QRICH1: variants seen among roughly 807,000 people sequenced by gnomAD.
The protein encoded by QRICH1 is glutamine rich 1.
QRICH1 carries 16 observed loss-of-function variants against 87.1 expected under a neutral mutation model. The observed-to-expected ratio is 0.18, with a 90% confidence interval of 0.12 to 0.28. QRICH1 has a LOEUF of 0.28. Among genes scored for constraint, QRICH1 ranks in the 10% least tolerant of loss-of-function variants. The probability of loss-of-function intolerance (pLI) is 1.00; values close to 1 mark genes in which losing one functional copy is unlikely to be tolerated. For missense variants in QRICH1, 647 were observed against 951.7 expected (o/e 0.68, Z 4.21); for synonymous variants, 367 against 368.4 (o/e 1.00, Z 0.05).
chr3:49,047,893 C>G (rs116137189), intron 3 of QRICH1, among the ~76,000 whole-genome samples: 2,330 of 152,100 alleles, frequency 0.015, 53 homozygotes, highest in African/African-American at 0.052. Flanking sequence ...CACCACTGCA[C>G]TCCAGCCTGG....
intron 2 of QRICH1, among the ~76,000 whole-genome samples, chr3:49,072,312 A>G (rs2041850572): frequency 6.6e-6 from 1 of 152,028 alleles, no homozygotes; most frequent in Admixed American, 6.6e-5. Context: ...ATAAAGATAA[A>G]AAATGAGTAA....
At chr3:49,065,120 T>C (rs1398156722) in intron 2 of QRICH1, among the ~76,000 whole-genome samples, 6 of 152,064 alleles carry the variant, frequency 3.9e-5, no homozygotes, top group Admixed American at 3.3e-4. Flanking sequence ...TTGCATTGTT[T>C]TACATTTTTG....
intron 1 of QRICH1, among the ~76,000 whole-genome samples, chr3:49,082,894 C>CAAAA (rs76269302): frequency 1.3e-5 from 1 of 77,326 alleles, no homozygotes; most frequent in African/African-American, 4.9e-5. Context: ...GACTGCGTCT[C>CAAAA]AAAAAAAAAA....
At chr3:49,084,030 A>G (rs1340794545) in intron 1 of QRICH1, among the ~76,000 whole-genome samples, 1 of 151,896 alleles carries the variant, frequency 6.6e-6, no homozygotes, top group Non-Finnish European at 1.5e-5. Flanking sequence ...TTGAACTCCT[A>G]AACTCATGAT....
Position 49,033,221 on chromosome 3 carries a change from G to A in QRICH1, c.1794C>T (p.Val598=). The change falls in exon 7 of 10, where the codon GTC becomes GTT. Residue 598 remains valine (V), a synonymous_variant. Transcript: ENST00000395443. ...TCTCCTCAGTCACGTGGCTGGGCAA[G>A]ACATAGCCTAGGAGGAATAGAGTAC... ...VQPRVTPLGY[V]LPSHVTEEML... The A allele has an allele frequency of 6.4e-7, 1 of 1,560,606 alleles. No individual in the cohort carries two copies. Among genetic ancestry groups the A allele is most frequent in the Non-Finnish European group, 8.7e-7 (1 of 1,155,324 alleles).
intron 1 of QRICH1, among the ~76,000 whole-genome samples, chr3:49,085,887 AG>A (rs1271058070): frequency 1.3e-5 from 2 of 152,136 alleles, no homozygotes. Context: ...AGAGAAATGG[AG>A]AAACTTCTAA....
At chr3:49,042,815 A>G (rs1265391209) in intron 6 of QRICH1, among the ~76,000 whole-genome samples, 2 of 151,768 alleles carry the variant, frequency 1.3e-5, no homozygotes, top group African/African-American at 4.8e-5. Context: ...TTCAGTGATC[A>G]GCCCATCTCT....
At position 49,030,569 on chromosome 3, in the gene QRICH1, G is replaced by C. The variant is rs1229242051; in HGVS notation, c.2214C>G (p.Ile738Met). 2.5e-6 allele frequency: 4 copies of C among 1,613,474 alleles called. No homozygotes were observed. The highest frequency in any genetic ancestry group is 4.5e-5 in the East Asian group (2 of 44,866). ...PEPVVAPNSP[I>M]WYSVQPISRE... ...TGCTGATAGGCTGGACTGAGTACCA[G>C]ATTGGGCTGTTGGGGGCCACCACTG... Residue 738 changes from isoleucine (I) to methionine (M), a missense_variant, in exon 10 of 10, where the codon ATC becomes ATG. By Grantham distance (10) the Ile-to-Met change is conservative. Around this residue, in one of 7 missense-constraint regions of QRICH1, gnomAD observed 56 missense variants for 79.4 expected, o/e 0.71. Transcript: ENST00000395443.
At chr3:49,071,984 G>A (rs1482489416) in intron 2 of QRICH1, among the ~76,000 whole-genome samples, 1 of 152,178 alleles carries the variant, frequency 6.6e-6, no homozygotes, top group Non-Finnish European at 1.5e-5. Context: ...GAGCCACCAT[G>A]CCTGGGCCAG....
chr3:49,069,259 C>A (rs967810200), intron 2 of QRICH1, among the ~76,000 whole-genome samples: 1 of 151,698 alleles, frequency 6.6e-6, no homozygotes. Context: ...CCCACCACCA[C>A]ACCTGGCTAC....
chr3:49,070,448 G>GT (rs745436668), intron 2 of QRICH1, among the ~76,000 whole-genome samples: 1 of 152,060 alleles, frequency 6.6e-6, no homozygotes, highest in Non-Finnish European at 1.5e-5. Flanking sequence ...TTGTTGTTCT[G>GT]TTTTTTATAG....
At chr3:49,069,541 GA>G (rs1201062468) in intron 2 of QRICH1, among the ~76,000 whole-genome samples, 6 of 123,438 alleles carry the variant, frequency 4.9e-5, no homozygotes, top group Non-Finnish European at 8.1e-5. Context: ...CCATGGGGGG[GA>G]ATTTTTTTTT....
At chr3:49,080,235 G>A (rs2042032317) in intron 1 of QRICH1, among the ~76,000 whole-genome samples, 1 of 152,068 alleles carries the variant, frequency 6.6e-6, no homozygotes, top group East Asian at 1.9e-4. Context: ...AGGTCAGCTG[G>A]AATTTACATT....
intron 2 of QRICH1, among the ~76,000 whole-genome samples, chr3:49,061,495 C>T (rs2093434486): frequency 6.6e-6 from 1 of 152,124 alleles, no homozygotes; most frequent in Middle Eastern, 3.4e-3. Flanking sequence ...ACAGCTTTTA[C>T]CATCAGACAC....
chr3:49,048,486 A>C (rs952628280), intron 3 of QRICH1, among the ~76,000 whole-genome samples: 2 of 150,776 alleles, frequency 1.3e-5, no homozygotes, highest in Non-Finnish European at 3.0e-5. Flanking sequence ...TTAAAAAAAA[A>C]AAAAAAAAAA....
intron 2 of QRICH1, among the ~76,000 whole-genome samples, chr3:49,070,924 G>A (rs2093496800): frequency 4.6e-5 from 7 of 151,934 alleles, no homozygotes; most frequent in Admixed American, 3.9e-4. Flanking sequence ...TCTTTCTTCT[G>A]AGACAGAGTC....
chr3:49,081,817 T>G (rs530951916), intron 1 of QRICH1, among the ~76,000 whole-genome samples: 1 of 151,886 alleles, frequency 6.6e-6, no homozygotes, highest in Non-Finnish European at 1.5e-5. Flanking sequence ...TTCTATTTTT[T>G]TTTTTTTTGA....
intron 2 of QRICH1, among the ~76,000 whole-genome samples, chr3:49,067,180 C>T (rs1319897720): frequency 2.6e-5 from 4 of 152,146 alleles, no homozygotes; most frequent in Admixed American, 2.6e-4. Flanking sequence ...TGGCACCTGT[C>T]CGTCACTCCA....
intron 2 of QRICH1, among the ~76,000 whole-genome samples, chr3:49,063,507 G>C (rs1038080759): frequency 1.3e-5 from 2 of 152,198 alleles, no homozygotes; most frequent in African/African-American, 4.8e-5. Flanking sequence ...CCTGAATTTG[G>C]GGCTGGGCAT....
Sources: allele counts gnomAD v4.1 joint callset (sites outside exome capture counted in the v4.1 genomes callset), GRCh38; gene constraint gnomAD v4.1.1; regional missense constraint gnomAD v4.1.1; transcripts MANE v1.5; gene names NCBI Gene and HGNC (gene_info 2026-07-23, HGNC 2026-07-21).